The following CC2D2A variants were observed in gnomAD, a reference collection of about 807,000 sequenced individuals.
CC2D2A encodes the protein coiled-coil and C2 domain-containing protein 2A.
CC2D2A carries 155 observed loss-of-function variants against 212.9 expected under a neutral mutation model. That is an observed-to-expected ratio of 0.73 (90% CI 0.64 to 0.83). CC2D2A has a LOEUF of 0.83. CC2D2A is among the 40% of genes least tolerant of loss of function. CC2D2A has a pLI of 0.00. For synonymous variants in CC2D2A, 667 were observed against 686.5 expected (o/e 0.97, Z 0.44); for missense variants, 1,856 against 1,956.2 (o/e 0.95, Z 0.97).
intron 4 of CC2D2A, among the ~76,000 whole-genome samples, chr4:15,494,705 G>A (rs1715511942): frequency 6.6e-6 from 1 of 152,168 alleles, no homozygotes; most frequent in South Asian, 2.1e-4. Context: ...TGTACCCATA[G>A]CATTAATTGT....
chr4:15,514,906 A>G lies in CC2D2A; in HGVS notation c.880+37A>G, dbSNP rs757431184. ...TTTTATTTTCTTGTTCAGCTTAGAC[A>G]TCGTCACTTACCTTGTCATGAAATA... On this transcript the variant is annotated intron_variant, in intron 9 of 36. Transcript: ENST00000424120. 6 of 1,591,188 alleles carry G rather than the reference A, an allele frequency of 3.8e-6. No individual in the cohort carries two copies. The Admixed American group carries it at 6.7e-5, about 18-fold the overall frequency.
chr4:15,570,595 C>T lies in CC2D2A; in HGVS notation c.3594+99C>T. On this transcript the variant is annotated intron_variant, in intron 28 of 36. Coordinates refer to ENST00000424120, the MANE Select transcript of CC2D2A (RefSeq NM_001378615.1). ...GTGGGCCAGGCGCGGTGGCTCATGC[C>T]TGTAATCCCAGCACTTTGGGAGGCC... 5.3e-6 allele frequency: 4 copies of T among 748,894 alleles called. No individual in the cohort carries two copies. The Admixed American group carries it at 8.5e-5, about 16-fold the overall frequency. 46.4% of individuals were successfully genotyped at this position (748,894 alleles called of 1,614,324 possible). A position where few individuals can be genotyped will look rare whatever the true frequency, so the allele number is the denominator to read the frequency against.
Position 15,567,728 on chromosome 4 carries a change from A to G in CC2D2A, c.3340A>G (p.Thr1114Ala). 6.2e-7 allele frequency: 1 copy of G among 1,606,188 alleles called. No homozygotes were observed. The highest frequency in any genetic ancestry group is 8.5e-7 in the Non-Finnish European group (1 of 1,178,136). Residue 1114 changes from threonine to alanine, a missense_variant, in exon 26 of 37, where the codon ACG becomes GCG. Physicochemically the swap from Thr to Ala is moderately conservative, Grantham distance 58. Around this residue, in one of 5 missense-constraint regions of CC2D2A, gnomAD observed 1,512 missense variants for 1,579.3 expected, o/e 0.96. Coordinates refer to ENST00000424120, the MANE Select transcript of CC2D2A (RefSeq NM_001378615.1). ...CTCTTTTCAACGAACAGTTTGCCAT[A>G]CGACTACGGCTGAAGGACCAAACCC... ...EVSFQRTVCH[T>A]TTAEGPNPSW...
Position 15,516,670 on chromosome 4 carries a change from A to G in CC2D2A, c.1063A>G (p.Asn355Asp). 6.2e-7 allele frequency: 1 copy of G among 1,613,460 alleles called. No individual in the cohort carries two copies. The highest frequency in any genetic ancestry group is 1.1e-5 in the South Asian group (1 of 90,972). Residue 355 changes from asparagine to aspartate, a missense_variant, in exon 11 of 37, where the codon AAC becomes GAC. Physicochemically the swap from Asn to Asp is conservative, Grantham distance 23. This residue lies in a region of CC2D2A where 1,512 missense variants were observed against 1,579.3 expected (regional missense o/e 0.96). Transcript: ENST00000424120. ...GDDGRILALP[N>D]PIKPFPSRPP... ...TGACGGCAGGATCCTAGCTCTGCCA[A>G]ACCCCATCAAGCCATTTCCTTCAAG...
chr4:15,507,660 A>T (rs1716339930), intron 6 of CC2D2A, among the ~76,000 whole-genome samples: 1 of 152,246 alleles, frequency 6.6e-6, no homozygotes, highest in African/African-American at 2.4e-5. Context: ...AGGAGTAAAG[A>T]TAATTACGTA....
intron 17 of CC2D2A, among the ~76,000 whole-genome samples, chr4:15,549,904 C>T (rs1002311098): frequency 1.3e-5 from 2 of 152,134 alleles, no homozygotes; most frequent in Non-Finnish European, 2.9e-5. Context: ...AAAATATTAA[C>T]TAGTGGGGGA....
chr4:15,577,237 C>T (rs888406760), intron 29 of CC2D2A, among the ~76,000 whole-genome samples: 4 of 152,160 alleles, frequency 2.6e-5, no homozygotes, highest in Admixed American at 6.5e-5. Context: ...CTCAAGTGAT[C>T]CTCCGGCGTC....
intron 29 of CC2D2A, among the ~76,000 whole-genome samples, chr4:15,577,066 T>C (rs943796554): frequency 6.6e-6 from 1 of 152,234 alleles, no homozygotes; most frequent in Non-Finnish European, 1.5e-5. Flanking sequence ...CCATCACAGC[T>C]TGCTGCAGCC....
intron 28 of CC2D2A, among the ~76,000 whole-genome samples, chr4:15,572,293 T>C (rs187617870): frequency 2.0e-5 from 3 of 152,302 alleles, no homozygotes; most frequent in South Asian, 2.1e-4. Context: ...AAGTTTACAA[T>C]AGAGGTGGGA....
chr4:15,563,497 A>G lies in CC2D2A; in HGVS notation c.3157A>G (p.Ile1053Val), dbSNP rs148194457. Residue 1053 changes from isoleucine (I) to valine (V), a missense_variant, in exon 24 of 37, where the codon ATT becomes GTT. Transcript: ENST00000424120. The stretch of plus-strand genomic sequence containing the variant: ...GGTGAACATTGTGCGAGCTTACGAC[A>G]TTCCAGTGAGGAAGCCGGCAGTGAG... Reference protein sequence around the residue: ...LLVNIVRAYDIPVRKPAVSKF... With the variant: ...LLVNIVRAYDVPVRKPAVSKF... 2.4e-5 allele frequency: 39 copies of G among 1,612,498 alleles called. No homozygotes were observed. In the African/African-American group the frequency reaches 3.5e-4, roughly 14 times the overall value.
intron 17 of CC2D2A, 66 bp downstream of exon 17, chr4:15,541,080 G>A (rs1208816627): frequency 7.5e-7 from 1 of 1,325,494 alleles, no homozygotes; most frequent in African/African-American, 1.5e-5. Flanking sequence ...GGGAGGCCAA[G>A]GTGGGCAGAT....
chr4:15,587,797 T>A lies in CC2D2A; in HGVS notation c.4066-19T>A. On this transcript the variant is annotated intron_variant, in intron 31 of 36. Transcript: ENST00000424120. Reference sequence around the variant, plus strand: ...AAAGCATTGAGTCATACAACATAATTTTTTTTTCTTTTTGTCAGCAATTTC... The same window carrying A: ...AAAGCATTGAGTCATACAACATAATATTTTTTTCTTTTTGTCAGCAATTTC... The A allele has an allele frequency of 7.4e-7, 1 of 1,360,152 alleles. No homozygotes were observed. The highest frequency in any genetic ancestry group is 1.4e-5 in the African/African-American group (1 of 70,072). The allele number at this position is 1,360,152 out of a possible 1,614,324, so 84.3% of individuals were successfully genotyped here.
intron 16 of CC2D2A, among the ~76,000 whole-genome samples, chr4:15,539,076 AC>A (rs1718287876): frequency 6.6e-6 from 1 of 152,174 alleles, no homozygotes; most frequent in South Asian, 2.1e-4. Context: ...TTAATACCTC[AC>A]ATTGAAATAA....
At chr4:15,473,830 GA>G (rs141649081) in intron 1 of CC2D2A, among the ~76,000 whole-genome samples, 1,540 of 152,268 alleles carry the variant, frequency 0.01, 22 homozygotes, top group African/African-American at 0.036. Context: ...GTGAGACTGA[GA>G]AAGGAGTTAA....
intron 4 of CC2D2A, among the ~76,000 whole-genome samples, chr4:15,502,111 T>G (rs1715986125): frequency 6.6e-6 from 1 of 152,192 alleles, no homozygotes; most frequent in South Asian, 2.1e-4. Flanking sequence ...TAAGTATTCA[T>G]GTGCCTTGAA....
chr4:15,507,276 G>A (rs377714033), intron 6 of CC2D2A, among the ~76,000 whole-genome samples: 15 of 152,250 alleles, frequency 9.9e-5, no homozygotes, highest in African/African-American at 3.4e-4. Flanking sequence ...ACTACAAAAT[G>A]AGAAAATGAA....
At chr4:15,511,709 G>A (rs992683813) in intron 8 of CC2D2A, 2 of 200,860 alleles carry the variant, frequency 1.0e-5, no homozygotes, top group Non-Finnish European at 9.9e-6. Flanking sequence ...TAGACTCCAC[G>A]TAATGATTAG....
At chr4:15,501,112 C>T (rs1200516248) in intron 4 of CC2D2A, among the ~76,000 whole-genome samples, 1 of 152,148 alleles carries the variant, frequency 6.6e-6, no homozygotes, top group Non-Finnish European at 1.5e-5. Context: ...GCGGGGTCCT[C>T]CAGGTTGAGT....
In CC2D2A at chr4:15,538,061, A is replaced by C. The variant is rs1048216556; in HGVS notation, c.1927A>C (p.Arg643=). The C allele has an allele frequency of 3.1e-6, 5 of 1,608,148 alleles. No homozygotes were observed. Among genetic ancestry groups the C allele is most frequent in the African/African-American group, 1.3e-5 (1 of 74,842 alleles). ...GAGGGAGAGAGCAGCCCAGAGCAGGAGGAGGCCTTGGGAGCCCACGCTGGT... is the reference window on the plus strand; with the variant it reads ...GAGGGAGAGAGCAGCCCAGAGCAGGCGGAGGCCTTGGGAGCCCACGCTGGT... ...EVRERAAQSR[R]RPWEPTLVPE... Residue 643 remains arginine (R), a synonymous_variant, in exon 16 of 37, where the codon AGG becomes CGG. Transcript: ENST00000424120.
Sources: allele counts gnomAD v4.1 joint callset (sites outside exome capture counted in the v4.1 genomes callset), GRCh38; gene constraint gnomAD v4.1.1; regional missense constraint gnomAD v4.1.1; transcripts MANE v1.5; gene names NCBI Gene and HGNC (gene_info 2026-07-23, HGNC 2026-07-21).